Variants in FBXW8 observed in about 807,000 individuals in gnomAD.
FBXW8 encodes F-box and WD repeat domain containing 8, also known as F-box/WD repeat-containing protein 8.
FBXW8 carries 57 observed loss-of-function variants against 65.3 expected under a neutral mutation model. The observed-to-expected ratio is 0.87, with a 90% confidence interval of 0.71 to 1.09. The LOEUF is 1.09. FBXW8 is among the 50% of genes least tolerant of loss of function. FBXW8 has a pLI of 0.00. For missense variants in FBXW8, 777 were observed against 814.8 expected, an observed-to-expected ratio of 0.95 and a Z score of 0.57; for synonymous variants, 308 against 330.2, an observed-to-expected ratio of 0.93 and a Z score of 0.73.
At position 116,949,781 on chromosome 12, in the gene FBXW8, CA is replaced by C. The variant is rs1175713258; in HGVS notation, c.677+76del. 26 of 1,349,288 alleles carry C rather than the reference CA, an allele frequency of 1.9e-5. No homozygotes were observed. The African/African-American group carries it at 3.0e-4, about 16-fold the overall frequency. 83.6% of individuals were successfully genotyped at this position (1,349,288 alleles called of 1,614,324 possible). ...TTTTCTCATACCACCCTCTGAGTACCAGTGACCTTAGCTTCCTTTGAGAGCA... is the reference window on the plus strand; with the variant it reads ...TTTTCTCATACCACCCTCTGAGTACCGTGACCTTAGCTTCCTTTGAGAGCA... On this transcript the variant is annotated intron_variant, in intron 4 of 10. Coordinates refer to ENST00000652555, the MANE Select transcript of FBXW8 (RefSeq NM_153348.3).
chr12:117,004,271 T>C (rs1953621463), intron 7 of FBXW8, among the ~76,000 whole-genome samples: 1 of 152,242 alleles, frequency 6.6e-6, no homozygotes, highest in Non-Finnish European at 1.5e-5. Context: ...CCTCTCCCTC[T>C]TTTATCTGTA....
intron 1 of FBXW8, among the ~76,000 whole-genome samples, chr12:116,917,695 A>G (rs1208068526): frequency 6.6e-6 from 1 of 152,350 alleles, no homozygotes; most frequent in South Asian, 2.1e-4. Context: ...CAAAGCTGAC[A>G]TGAAAACGCA....
chr12:116,958,520 G>A (rs1043062759), intron 4 of FBXW8, among the ~76,000 whole-genome samples: 1 of 152,078 alleles, frequency 6.6e-6, no homozygotes, highest in African/African-American at 2.4e-5. Context: ...CATTCATTCC[G>A]TCAACACCCA....
intron 7 of FBXW8, among the ~76,000 whole-genome samples, chr12:116,990,925 G>A (rs2135679771): frequency 6.6e-6 from 1 of 152,320 alleles, no homozygotes; most frequent in South Asian, 2.1e-4. Context: ...CAAGTCAGGA[G>A]GATGGCTTGA....
intron 7 of FBXW8, among the ~76,000 whole-genome samples, chr12:116,994,521 A>C (rs1036721993): frequency 6.6e-6 from 1 of 152,194 alleles, no homozygotes; most frequent in Non-Finnish European, 1.5e-5. Context: ...GAGCCAAACC[A>C]ATGTTGCCAG....
chr12:116,956,119 A>G (rs569664238), intron 4 of FBXW8, among the ~76,000 whole-genome samples: 21 of 152,286 alleles, frequency 1.4e-4, no homozygotes, highest in African/African-American at 5.1e-4. Flanking sequence ...TTGGTTTTAA[A>G]AAAAACACCA....
intron 4 of FBXW8, chr12:116,950,788 C>T (rs969583463): frequency 6.6e-6 from 1 of 152,174 alleles, no homozygotes; most frequent in Non-Finnish European, 1.5e-5. Flanking sequence ...GCGATTCTGT[C>T]CATTAAGTTA....
At chr12:117,011,262 C>A (rs546509166) in intron 8 of FBXW8, among the ~76,000 whole-genome samples, 1 of 151,474 alleles carries the variant, frequency 6.6e-6, no homozygotes, top group African/African-American at 2.4e-5. Context: ...GCGGGCTGCT[C>A]GGAGGCGGGT....
chr12:117,007,794 C>G (rs1035101169), intron 7 of FBXW8, among the ~76,000 whole-genome samples: 2 of 151,988 alleles, frequency 1.3e-5, no homozygotes, highest in African/African-American at 4.8e-5. Context: ...AAATGAAGTC[C>G]CATTTGCTCA....
At chr12:117,009,613 TG>T (rs1305628495) in intron 7 of FBXW8, among the ~76,000 whole-genome samples, 1 of 152,116 alleles carries the variant, frequency 6.6e-6, no homozygotes, top group East Asian at 1.9e-4. Context: ...TAAGTTGAAT[TG>T]AATTAATACT....
At chr12:116,944,647 A>C (rs1882812952) in intron 2 of FBXW8, among the ~76,000 whole-genome samples, 1 of 152,176 alleles carries the variant, frequency 6.6e-6, no homozygotes, top group African/African-American at 2.4e-5. Flanking sequence ...AGTCTGGCCA[A>C]CTTTGCACAT....
chr12:117,024,345 G>A (rs746441247), intron 9 of FBXW8, 25 bp downstream of exon 9: 6 of 1,612,916 alleles, frequency 3.7e-6, no homozygotes, highest in Non-Finnish European at 5.1e-6. Flanking sequence ...AGACACTCTT[G>A]GGAGTTCCTA....
At chr12:116,913,108 G>A (rs969574124) in intron 1 of FBXW8, among the ~76,000 whole-genome samples, 8 of 152,148 alleles carry the variant, frequency 5.3e-5, no homozygotes, top group Non-Finnish European at 8.8e-5. Context: ...TATAGGTTCT[G>A]GGCCCTCCCC....
Position 117,029,961 on chromosome 12 carries a change from CAT to C in FBXW8, c.*1791_*1792del, listed in dbSNP as rs977016329. The C allele has an allele frequency of 1.3e-5, 2 of 151,596 alleles. No homozygotes were observed. The highest frequency in any genetic ancestry group is 4.9e-5 in the African/African-American group (2 of 41,232). The allele number at this position is 151,596 out of a possible 1,614,324, so 9.4% of individuals were successfully genotyped here. A position where few individuals can be genotyped will look rare whatever the true frequency, so the allele number is the denominator to read the frequency against. On this transcript the variant is annotated 3_prime_UTR_variant, in exon 11 of 11. Transcript: ENST00000652555. ...ACAAAATATACAACTCTTGATAAAA[CAT>C]AAAGGTACAGTGGTCTATGAGGAAG...
intron 7 of FBXW8, among the ~76,000 whole-genome samples, chr12:117,003,737 T>G (rs181516218): frequency 1.3e-5 from 2 of 152,328 alleles, no homozygotes; most frequent in East Asian, 3.9e-4. Flanking sequence ...GACAGTTATT[T>G]TTGCTCAGCC....
intron 4 of FBXW8, among the ~76,000 whole-genome samples, chr12:116,962,593 T>G (rs1884052830): frequency 6.6e-6 from 1 of 152,168 alleles, no homozygotes; most frequent in Admixed American, 6.5e-5. Flanking sequence ...AGTTTCCTAG[T>G]TTATGTACTT....
At chr12:116,949,753 C>G in intron 4 of FBXW8, 47 bp downstream of exon 4, 2 of 1,544,724 alleles carry the variant, frequency 1.3e-6, no homozygotes, top group African/African-American at 1.4e-5. Flanking sequence ...GAAGGTCTTT[C>G]ATTTTTCTCA....
intron 4 of FBXW8, among the ~76,000 whole-genome samples, chr12:116,956,111 G>T (rs1047534371): frequency 1.3e-5 from 2 of 151,624 alleles, no homozygotes; most frequent in Non-Finnish European, 2.9e-5. Context: ...TCTCTCTTTT[G>T]GTTTTAAAAA....
At chr12:117,023,167 T>C (rs546574658) in intron 8 of FBXW8, among the ~76,000 whole-genome samples, 131 of 152,336 alleles carry the variant, frequency 8.6e-4, no homozygotes, top group African/African-American at 2.4e-3. Context: ...TTGACGTGTG[T>C]GCGCATGCTT....
Sources: allele counts gnomAD v4.1 joint callset (sites outside exome capture counted in the v4.1 genomes callset), GRCh38; gene constraint gnomAD v4.1.1; transcripts MANE v1.5; gene names NCBI Gene and HGNC (gene_info 2026-07-23, HGNC 2026-07-21).